The following ALDH1L1 variants were observed in gnomAD, a reference collection of about 807,000 sequenced individuals.
ALDH1L1 encodes the protein aldehyde dehydrogenase 1 family member L1, also known as cytosolic 10-formyltetrahydrofolate dehydrogenase.
A neutral mutation model predicts 101.1 loss-of-function variants in ALDH1L1; 68 were observed. The observed-to-expected ratio is 0.67, with a 90% CI of 0.55 to 0.82. The LOEUF is 0.82. Among genes scored for constraint, ALDH1L1 ranks in the 40% least tolerant of loss-of-function variants. The pLI, the probability that ALDH1L1 is intolerant of heterozygous loss-of-function variation, is 0.00. For missense variants in ALDH1L1, 1,087 were observed against 1,172.7 expected, an observed-to-expected ratio of 0.93 and a Z score of 1.07; for synonymous variants, 486 against 470.8, an observed-to-expected ratio of 1.03 and a Z score of -0.42.
At chr3:126,155,647 A>G in intron 4 of ALDH1L1, 144 bp from the exon 5 acceptor site, 1 of 605,572 alleles carries the variant, frequency 1.7e-6, no homozygotes, top group Middle Eastern at 4.5e-4. Flanking sequence ...CACCTGCCAT[A>G]TGAACAAGGG....
chr3:126,112,546 C>T (rs910015628), intron 19 of ALDH1L1, among the ~76,000 whole-genome samples: 1 of 152,206 alleles, frequency 6.6e-6, no homozygotes, highest in Non-Finnish European at 1.5e-5. Context: ...CCAAGATGGG[C>T]CCTTTTTGGT....
intron 1 of ALDH1L1, among the ~76,000 whole-genome samples, chr3:126,187,398 T>A (rs1481654771): frequency 6.6e-6 from 1 of 152,100 alleles, no homozygotes; most frequent in Non-Finnish European, 1.5e-5. Flanking sequence ...CCATGGTTCA[T>A]GTTGGTACAA....
chr3:126,122,045 A>G (rs938172476), intron 16 of ALDH1L1, among the ~76,000 whole-genome samples: 1 of 152,238 alleles, frequency 6.6e-6, no homozygotes, highest in African/African-American at 2.4e-5. Context: ...GAACAAGTGC[A>G]AAGAAAGAAC....
chr3:126,160,647 G>A (rs991304937), intron 2 of ALDH1L1, among the ~76,000 whole-genome samples: 1 of 152,160 alleles, frequency 6.6e-6, no homozygotes, highest in East Asian at 1.9e-4. Flanking sequence ...ATGATCAGGT[G>A]GGGAGGGGAT....
chr3:126,127,355 T>C (rs1451223945), intron 14 of ALDH1L1, among the ~76,000 whole-genome samples: 1 of 152,182 alleles, frequency 6.6e-6, no homozygotes, highest in African/African-American at 2.4e-5. Flanking sequence ...AGTGGGAGAC[T>C]GAGTGGACAT....
Position 126,112,896 on chromosome 3 carries a change from A to G in ALDH1L1, c.2083-16T>C. On this transcript the variant is annotated splice_polypyrimidine_tract_variant and intron_variant, in intron 18 of 22. Coordinates refer to ENST00000393434, the MANE Select transcript of ALDH1L1 (RefSeq NM_012190.4). ...AACTCATCCCCTTCAGAGAATGGAC[A>G]AGAACACCAGGTCACTGCTCCTCCT... 6.2e-7 allele frequency: 1 copy of G among 1,610,638 alleles called. No homozygotes were observed. Among genetic ancestry groups the G allele is most frequent in the African/African-American group, 1.3e-5 (1 of 75,028 alleles).
chr3:126,154,588 T>C lies in ALDH1L1; in HGVS notation c.686A>G (p.Lys229Arg), dbSNP rs1409860210. The C allele has an allele frequency of 2.5e-6, 4 of 1,614,062 alleles. No individual in the cohort carries two copies. In the African/African-American group the frequency reaches 4.0e-5, roughly 16 times the overall value. The change falls in exon 6 of 23, where the codon AAG becomes AGG. Residue 229 changes from lysine (K) to arginine (R), a missense_variant. Physicochemically the swap from Lys to Arg is conservative, Grantham distance 26. Coordinates refer to ENST00000393434, the MANE Select transcript of ALDH1L1 (RefSeq NM_012190.4). ...GGCCTCTGTCCAGGCTCCCGGCACC[T>C]TGTCGTTCCCGCGGATCCAGTTGTG... Reference protein sequence around the residue: ...AIHNWIRGNDKVPGAWTEACE... With the variant: ...AIHNWIRGNDRVPGAWTEACE...
rs760165054 is a variant in ALDH1L1 at position 126,160,956 on chromosome 3, C to A, written c.24G>T (p.Gln8His). MKIAVIG[Q>H]SLFGQEVYCH... ...AGTAAACTTCCTGGCCAAACAGGCT[C>A]TGTCCAATCACTGCAATCTTCATGG... Residue 8 changes from glutamine to histidine, a missense_variant, in exon 2 of 23, where the codon CAG (glutamine) becomes CAT (histidine). Coordinates refer to ENST00000393434, the MANE Select transcript of ALDH1L1 (RefSeq NM_012190.4). The A allele has an allele frequency of 1.4e-5, 22 of 1,614,114 alleles. No individual in the cohort carries two copies. The highest frequency in any genetic ancestry group is 4.0e-5 in the African/African-American group (3 of 74,962).
At chr3:126,148,764 G>C (rs1195474994) in intron 8 of ALDH1L1, among the ~76,000 whole-genome samples, 3 of 152,190 alleles carry the variant, frequency 2.0e-5, no homozygotes, top group South Asian at 2.1e-4. Context: ...CTGGAACTCT[G>C]AATGTGCACG....
chr3:126,151,237 T>C (rs1300563850), intron 7 of ALDH1L1: 1 of 152,158 alleles, frequency 6.6e-6, no homozygotes, highest in Non-Finnish European at 1.5e-5. Context: ...AATCACCCAG[T>C]AGCTCCCAGA....
At chr3:126,136,981 C>T in intron 10 of ALDH1L1, 98 bp from the exon 11 acceptor site, 1 of 1,511,066 alleles carries the variant, frequency 6.6e-7, no homozygotes, top group Non-Finnish European at 8.9e-7. Flanking sequence ...GCCCAGGGGC[C>T]TCCTGGGGCT....
chr3:126,116,765 C>T (rs972955178), intron 17 of ALDH1L1, among the ~76,000 whole-genome samples: 1 of 152,220 alleles, frequency 6.6e-6, no homozygotes, highest in African/African-American at 2.4e-5. Context: ...CTGGCTGGCT[C>T]TCCCAGCTTG....
chr3:126,166,020 T>A (rs1274803303), intron 1 of ALDH1L1, among the ~76,000 whole-genome samples: 1 of 152,208 alleles, frequency 6.6e-6, no homozygotes, highest in African/African-American at 2.4e-5. Flanking sequence ...GTTTGTTAAT[T>A]TGAGATCTTT....
At chr3:126,163,870 A>G (rs1288923492) in intron 1 of ALDH1L1, among the ~76,000 whole-genome samples, 1 of 152,234 alleles carries the variant, frequency 6.6e-6, no homozygotes, top group Non-Finnish European at 1.5e-5. Context: ...CCAGTCGCTC[A>G]TGACTGCAAC....
At chr3:126,115,074 G>A (rs1361465162) in intron 17 of ALDH1L1, 1 of 457,448 alleles carries the variant, frequency 2.2e-6, no homozygotes. Flanking sequence ...GCACGCATCT[G>A]TCTGGGTCCT....
At chr3:126,155,622 C>T in intron 4 of ALDH1L1, 119 bp from the exon 5 acceptor site, 1 of 770,824 alleles carries the variant, frequency 1.3e-6, no homozygotes. Flanking sequence ...TGGTACACAG[C>T]AGTCACCCAA....
At chr3:126,120,623 G>A (rs968923689) in intron 16 of ALDH1L1, among the ~76,000 whole-genome samples, 1 of 152,184 alleles carries the variant, frequency 6.6e-6, no homozygotes, top group Non-Finnish European at 1.5e-5. Context: ...AGGTGTCAAT[G>A]TAGGTCATTG....
chr3:126,166,638 T>C (rs1393216552), intron 1 of ALDH1L1, among the ~76,000 whole-genome samples: 3 of 152,174 alleles, frequency 2.0e-5, no homozygotes, highest in African/African-American at 7.2e-5. Context: ...TCATAAACCA[T>C]GTTTTTCAAA....
At chr3:126,147,778 G>A (rs4646719) in intron 8 of ALDH1L1, among the ~76,000 whole-genome samples, 8,586 of 152,096 alleles carry the variant, frequency 0.056, 303 homozygotes, top group Admixed American at 0.092. Context: ...CCTGGCACAA[G>A]CACCCCCGGC....
Sources: gnomAD v4.1 joint callset for allele counts (sites outside exome capture counted in the v4.1 genomes callset) on GRCh38, gnomAD v4.1.1 for gene constraint, MANE v1.5 for transcripts, NCBI Gene and HGNC (gene_info 2026-07-23, HGNC 2026-07-21) for gene names.